Variants in TRIP4 observed in about 807,000 individuals in gnomAD.
TRIP4 encodes the protein thyroid hormone receptor interactor 4, also known as activating signal cointegrator 1.
Under a neutral mutation model 81.8 loss-of-function variants are expected in TRIP4, and 54 were observed. The observed-to-expected ratio is 0.66, with a 90% CI of 0.53 to 0.83. TRIP4 has a LOEUF of 0.83. Ranked by LOEUF, TRIP4 falls within the 40% of genes least tolerant of loss-of-function variation. The pLI, the probability that TRIP4 is intolerant of heterozygous loss-of-function variation, is 0.00. For synonymous variants in TRIP4, 270 were observed against 242.8 expected (o/e 1.11, Z -1.04); for missense variants, 662 against 683.6 (o/e 0.97, Z 0.35).
chr15:64,417,772 A>G (rs907601348), intron 8 of TRIP4, among the ~76,000 whole-genome samples: 2 of 152,196 alleles, frequency 1.3e-5, no homozygotes, highest in Non-Finnish European at 2.9e-5. Flanking sequence ...ACCTGACAAC[A>G]TCTGTTTGGC....
At chr15:64,396,823 A>G (rs1900309120) in intron 3 of TRIP4, among the ~76,000 whole-genome samples, 1 of 152,206 alleles carries the variant, frequency 6.6e-6, no homozygotes, top group South Asian at 2.1e-4. Flanking sequence ...GAACATGCAT[A>G]TGTTCAACTT....
At chr15:64,399,132 G>C (rs1900383989) in intron 4 of TRIP4, among the ~76,000 whole-genome samples, 1 of 151,554 alleles carries the variant, frequency 6.6e-6, no homozygotes, top group Non-Finnish European at 1.5e-5. Context: ...TGTATTTTTA[G>C]TAGAGACAGG....
At position 64,387,839 on chromosome 15, in the gene TRIP4, G is replaced by A. The variant is rs1198460263; in HGVS notation, c.-25G>A. ...CGGTGCAGGACGTGGGGCTTTTGCA[G>A]CTCAGCTGGTTCCGGCTGGGGAAGA... On this transcript the variant is annotated 5_prime_UTR_variant, in exon 1 of 13. Transcript: ENST00000261884. The A allele has an allele frequency of 4.5e-6, 7 of 1,539,184 alleles. No homozygotes were observed. Among genetic ancestry groups the A allele is most frequent in the Non-Finnish European group, 6.1e-6 (7 of 1,145,814 alleles).
chr15:64,389,672 A>G (rs1162745362), intron 1 of TRIP4, among the ~76,000 whole-genome samples: 1 of 152,018 alleles, frequency 6.6e-6, no homozygotes, highest in Non-Finnish European at 1.5e-5. Context: ...ATAAAACAGA[A>G]AAGTGTTTTT....
chr15:64,427,076 T>C (rs1056738529), intron 11 of TRIP4, among the ~76,000 whole-genome samples: 1 of 152,166 alleles, frequency 6.6e-6, no homozygotes, highest in African/African-American at 2.4e-5. Flanking sequence ...CGAAATACTT[T>C]AACTTAATTA....
At chr15:64,428,364 C>T (rs375188901) in intron 11 of TRIP4, among the ~76,000 whole-genome samples, 2 of 152,022 alleles carry the variant, frequency 1.3e-5, no homozygotes, top group African/African-American at 4.8e-5. Context: ...TGAAGGATAC[C>T]TCTTTTTCAT....
intron 11 of TRIP4, chr15:64,444,555 G>A (rs1333585565): frequency 6.6e-6 from 1 of 152,154 alleles, no homozygotes; most frequent in Non-Finnish European, 1.5e-5. Flanking sequence ...AGCTAGAGAA[G>A]GGCTATGTGT....
chr15:64,437,509 T>C (rs1457238703), intron 11 of TRIP4, among the ~76,000 whole-genome samples: 2 of 151,804 alleles, frequency 1.3e-5, no homozygotes, highest in Non-Finnish European at 2.9e-5. Flanking sequence ...TTTTTTTTTT[T>C]TGAGACAGAG....
At chr15:64,453,047 G>A (rs1892806534) in intron 12 of TRIP4, among the ~76,000 whole-genome samples, 2 of 152,080 alleles carry the variant, frequency 1.3e-5, no homozygotes, top group African/African-American at 4.8e-5. Flanking sequence ...TTAGCTGGGC[G>A]TGATGGCACA....
intron 12 of TRIP4, among the ~76,000 whole-genome samples, chr15:64,447,118 CA>C (rs1892652321): frequency 6.6e-6 from 1 of 150,902 alleles, no homozygotes; most frequent in Admixed American, 6.6e-5. Context: ...CAAAACAAAA[CA>C]AAAACAAAAA....
intron 11 of TRIP4, among the ~76,000 whole-genome samples, chr15:64,431,383 T>C (rs574296405): frequency 6.6e-6 from 1 of 152,258 alleles, no homozygotes; most frequent in South Asian, 2.1e-4. Context: ...ATATAGGGAA[T>C]GTAGTTTTGG....
intron 12 of TRIP4, among the ~76,000 whole-genome samples, chr15:64,451,230 A>G (rs1295124542): frequency 6.6e-6 from 1 of 151,912 alleles, no homozygotes; most frequent in Non-Finnish European, 1.5e-5. Context: ...CTCCTGCCTC[A>G]GCCTCCCGAG....
intron 5 of TRIP4, among the ~76,000 whole-genome samples, chr15:64,404,044 A>T (rs1253782870): frequency 6.6e-6 from 1 of 152,150 alleles, no homozygotes; most frequent in Non-Finnish European, 1.5e-5. Flanking sequence ...ACACAAAATT[A>T]GCCGTGCATG....
At chr15:64,418,433 A>T in intron 8 of TRIP4, 108 bp from the exon 9 acceptor site, 1 of 1,242,796 alleles carries the variant, frequency 8.0e-7, no homozygotes, top group South Asian at 1.6e-5. Context: ...TTTCTAAGAA[A>T]AATGTTCCCA....
intron 11 of TRIP4, among the ~76,000 whole-genome samples, chr15:64,443,674 C>T (rs1441801170): frequency 1.3e-5 from 2 of 152,078 alleles, no homozygotes; most frequent in African/African-American, 2.4e-5. Context: ...ACTTTTCTAC[C>T]GTGAACATTT....
At chr15:64,449,743 C>T (rs1041286197) in intron 12 of TRIP4, among the ~76,000 whole-genome samples, 4 of 152,226 alleles carry the variant, frequency 2.6e-5, no homozygotes, top group Admixed American at 6.5e-5. Context: ...AGGGTATCAC[C>T]TGGCTCTGTG....
chr15:64,419,540 A>T (rs1160992884), intron 9 of TRIP4, among the ~76,000 whole-genome samples: 1 of 151,144 alleles, frequency 6.6e-6, no homozygotes, highest in East Asian at 2.0e-4. Flanking sequence ...TTGTATTTTT[A>T]GTAGAGACGG....
intron 12 of TRIP4, among the ~76,000 whole-genome samples, chr15:64,451,465 C>CTT (rs145401592): frequency 1.1e-4 from 7 of 64,698 alleles, no homozygotes; most frequent in South Asian, 6.4e-4. Flanking sequence ...CAAATCTGAT[C>CTT]TTTTTTTTTT....
rs745648626 is a variant in TRIP4 at position 64,403,218 on chromosome 15, G to A, written c.697+2397G>A. Among the ~76,000 whole-genome samples, 8 of 151,860 alleles carry A rather than the reference G, an allele frequency of 5.3e-5. No homozygotes were observed. The East Asian group carries it at 5.8e-4, about 11-fold the overall frequency. On this transcript the variant is annotated intron_variant, in intron 5 of 12. Transcript: ENST00000261884. ...TTCGCCCGGGCTGGAGTGCAGTGGC[G>A]CAATCTTGGCTGACTGCAACCTCTG...
Sources: allele counts gnomAD v4.1 joint callset (sites outside exome capture counted in the v4.1 genomes callset), GRCh38; gene constraint gnomAD v4.1.1; transcripts MANE v1.5; gene names NCBI Gene and HGNC (gene_info 2026-07-23, HGNC 2026-07-21).